EDEM3: variants seen among roughly 807,000 people sequenced by gnomAD.
The protein encoded by EDEM3 is ER degradation-enhancing alpha-mannosidase-like protein 3.
Under a neutral mutation model 110.2 loss-of-function variants are expected in EDEM3, and 60 were observed. That is an observed-to-expected ratio of 0.54 (90% CI 0.44 to 0.67). EDEM3 has a LOEUF of 0.67. EDEM3 is among the 30% of genes least tolerant of loss of function. EDEM3 has a pLI of 0.00. For synonymous variants in EDEM3, 352 were observed against 382.9 expected (o/e 0.92, Z 0.94); for missense variants, 996 against 1,121.0 (o/e 0.89, Z 1.59).
At chr1:184,740,657 A>G (rs1652084953) in intron 2 of EDEM3, among the ~76,000 whole-genome samples, 2 of 152,238 alleles carry the variant, frequency 1.3e-5, no homozygotes, top group South Asian at 4.1e-4. Flanking sequence ...TTAGCCAACA[A>G]ACATGAGAGT....
rs1345659957 is a variant in EDEM3, at chr1:184,692,607, G to A, written c.*1456C>T. The A allele has an allele frequency of 6.6e-6, 1 of 152,014 alleles. No individual in the cohort carries two copies. Among genetic ancestry groups the A allele is most frequent in the Non-Finnish European group, 1.5e-5 (1 of 67,952 alleles). The allele number at this position is 152,014 out of a possible 1,614,324, so 9.4% of individuals were successfully genotyped here. ...GTTTTGTGTAATGTTATGGTAAAGA[G>A]AAGAAAATTATGTCTCTTAAATATT... is the stretch of plus-strand genomic sequence containing the variant. On this transcript the variant is annotated 3_prime_UTR_variant, in exon 20 of 20. Transcript: ENST00000318130.
At chr1:184,725,806 G>A (rs1055731975) in intron 7 of EDEM3, among the ~76,000 whole-genome samples, 2 of 151,894 alleles carry the variant, frequency 1.3e-5, no homozygotes, top group African/African-American at 2.4e-5. Flanking sequence ...TTCCCTTGCA[G>A]TAAACAAATT....
chr1:184,721,496 T>C (rs1012897673), intron 8 of EDEM3, 110 bp from the exon 9 acceptor site: 10 of 648,006 alleles, frequency 1.5e-5, no homozygotes, highest in Non-Finnish European at 2.0e-5. Flanking sequence ...TGCATATATA[T>C]GACTACACCA....
chr1:184,734,428 C>A, intron 5 of EDEM3, 103 bp downstream of exon 5: 1 of 360,014 alleles, frequency 2.8e-6, no homozygotes, highest in South Asian at 7.0e-5. Context: ...AAGATTGTCA[C>A]TGCACTCCAG....
Position 184,723,864 on chromosome 1 carries a change from TTA to T in EDEM3, c.748-10_748-9del, listed in dbSNP as rs1491438876. On this transcript the variant is annotated splice_polypyrimidine_tract_variant and intron_variant, in intron 7 of 19. Coordinates refer to ENST00000318130, the MANE Select transcript of EDEM3 (RefSeq NM_025191.4). Reference sequence around the variant, plus strand: ...AGCTTTTCTGGCATATTCCTGTAATTTAAAAAAAAAAAAAAAAAAAAGAAGTG... The same window carrying T: ...AGCTTTTCTGGCATATTCCTGTAATTAAAAAAAAAAAAAAAAAAAGAAGTG... 42 of 1,304,262 alleles carry T rather than the reference TTA, an allele frequency of 3.2e-5. No homozygotes were observed. The Middle Eastern group carries it at 6.1e-4, about 19-fold the overall frequency. The allele number at this position is 1,304,262 out of a possible 1,614,324, so 80.8% of individuals were successfully genotyped here.
intron 2 of EDEM3, among the ~76,000 whole-genome samples, chr1:184,738,307 C>A (rs1206132254): frequency 6.6e-6 from 1 of 152,040 alleles, no homozygotes; most frequent in African/African-American, 2.4e-5. Context: ...AAAACTGAGG[C>A]CCAGAGAAGT....
chr1:184,754,018 T>C (rs1051871919), intron 1 of EDEM3, among the ~76,000 whole-genome samples: 9 of 152,124 alleles, frequency 5.9e-5, no homozygotes, highest in East Asian at 1.9e-4. Context: ...ATGTGTAAAG[T>C]TCAAGTTCCA....
Position 184,690,587 on chromosome 1 carries a change from G to A in EDEM3, c.*3476C>T, listed in dbSNP as rs1348870123. The A allele has an allele frequency of 2.6e-5, 4 of 152,374 alleles. No homozygotes were observed. Among genetic ancestry groups the A allele is most frequent in the Non-Finnish European group, 5.9e-5 (4 of 67,960 alleles). 9.4% of individuals were successfully genotyped at this position (152,374 alleles called of 1,614,324 possible). ...TTATATACAGGATTATATACATTTT[G>A]CCCAGACTTTTACATCACAGTACAT... On this transcript the variant is annotated 3_prime_UTR_variant, in exon 20 of 20. Transcript: ENST00000318130.
intron 18 of EDEM3, among the ~76,000 whole-genome samples, chr1:184,704,068 T>A (rs1013892515): frequency 4.6e-5 from 7 of 152,182 alleles, no homozygotes; most frequent in African/African-American, 1.7e-4. Flanking sequence ...TGGATCCTGG[T>A]GATTTTTAGT....
intron 19 of EDEM3, among the ~76,000 whole-genome samples, chr1:184,700,788 G>C (rs1208611961): frequency 1.3e-5 from 2 of 151,854 alleles, no homozygotes; most frequent in Admixed American, 6.6e-5. Context: ...GAATACATTT[G>C]TTGATTTCAT....
chr1:184,710,502 T>G lies in EDEM3; in HGVS notation c.1737A>C (p.Arg579Ser), dbSNP rs1314279159. The G allele has an allele frequency of 6.2e-7, 1 of 1,613,938 alleles. No individual in the cohort carries two copies. ...RSGAKPPLRA[R>S]DFMATNPEHL... ...GCTCAGGGTTAGTGGCCATGAAATC[T>G]CTGGCTCTCAGAGGGGGTTTAGCTC... is the stretch of plus-strand genomic sequence containing the variant. Residue 579 changes from arginine to serine, a missense_variant, in exon 16 of 20, where the codon AGA becomes AGC. By Grantham distance (110) the Arg-to-Ser change is moderately radical. This residue lies in a region of EDEM3 where 138 missense variants were observed against 124.3 expected (regional missense o/e 1.11). Coordinates refer to ENST00000318130, the MANE Select transcript of EDEM3 (RefSeq NM_025191.4).
At chr1:184,752,409 T>C (rs1022114322) in intron 1 of EDEM3, among the ~76,000 whole-genome samples, 2 of 152,174 alleles carry the variant, frequency 1.3e-5, no homozygotes, top group African/African-American at 4.8e-5. Context: ...AAAGTTCAGT[T>C]TTCTGAAAAT....
At chr1:184,740,289 G>C (rs903622469) in intron 2 of EDEM3, among the ~76,000 whole-genome samples, 2 of 152,022 alleles carry the variant, frequency 1.3e-5, no homozygotes, top group African/African-American at 2.4e-5. Context: ...CCTCAATATA[G>C]GATTTTTGTC....
At chr1:184,742,177 G>C (rs1260477917) in intron 2 of EDEM3, among the ~76,000 whole-genome samples, 3 of 152,052 alleles carry the variant, frequency 2.0e-5, no homozygotes, top group Admixed American at 2.0e-4. Flanking sequence ...CAGAAAGGGG[G>C]GGAAATAACT....
intron 1 of EDEM3, among the ~76,000 whole-genome samples, chr1:184,751,775 CAG>C (rs1209471113): frequency 5.3e-5 from 8 of 152,272 alleles, no homozygotes; most frequent in African/African-American, 1.7e-4. Flanking sequence ...TTTTTTGAGA[CAG>C]AGTTTTGCTC....
intron 8 of EDEM3, among the ~76,000 whole-genome samples, chr1:184,722,198 T>C (rs1650941720): frequency 6.6e-6 from 1 of 152,040 alleles, no homozygotes; most frequent in African/African-American, 2.4e-5. Flanking sequence ...TTTTTACCCA[T>C]ATTTATATAC....
At position 184,702,814 on chromosome 1, in the gene EDEM3, G is replaced by T. The variant is rs760015004; in HGVS notation, c.2386C>A (p.Arg796=). Reference sequence around the variant, plus strand: ...ACAAATGGTATTTTACTCTTACCTCGATCTTTTGCTTTATCAGAGAGGAGC... The same window carrying T: ...ACAAATGGTATTTTACTCTTACCTCTATCTTTTGCTTTATCAGAGAGGAGC... The part of the protein sequence containing the change: ...EVLLSDKAKD[R]DPEMENEEQP... Residue 796 remains arginine, a synonymous_variant, in exon 19 of 20, where the codon CGA becomes AGA. Transcript: ENST00000318130. 5.0e-6 allele frequency: 8 copies of T among 1,585,026 alleles called. No individual in the cohort carries two copies. Among genetic ancestry groups the T allele is most frequent in the South Asian group, 4.6e-5 (4 of 86,418 alleles).
rs1649071019 is a variant in EDEM3 at position 184,691,678 on chromosome 1, T to C, written c.*2385A>G. ...ATTTTTAATGAACTCAAAAACTACT[T>C]TGTGGCAGTATGTCAAGTAAGTAAA... On this transcript the variant is annotated 3_prime_UTR_variant, in exon 20 of 20. Coordinates refer to ENST00000318130, the MANE Select transcript of EDEM3 (RefSeq NM_025191.4). The C allele has an allele frequency of 6.6e-6, 1 of 152,176 alleles. No individual in the cohort carries two copies. Among genetic ancestry groups the C allele is most frequent in the Admixed American group, 6.6e-5 (1 of 15,250 alleles). The allele number at this position is 152,176 out of a possible 1,614,324, so 9.4% of individuals were successfully genotyped here.
At chr1:184,710,259 T>C in intron 16 of EDEM3, 135 bp downstream of exon 16, 1 of 1,083,690 alleles carries the variant, frequency 9.2e-7, no homozygotes, top group Non-Finnish European at 1.3e-6. Flanking sequence ...TTCCAAGTCC[T>C]AAAATTCTCA....
Sources: gnomAD v4.1 joint callset for allele counts (sites outside exome capture counted in the v4.1 genomes callset) on GRCh38, gnomAD v4.1.1 for gene constraint, gnomAD v4.1.1 regional missense constraint, MANE v1.5 for transcripts, NCBI Gene and HGNC (gene_info 2026-07-23, HGNC 2026-07-21) for gene names.